Variants in IGF1R observed in about 807,000 individuals in gnomAD.
IGF1R encodes the protein insulin-like growth factor 1 receptor.
A neutral mutation model predicts 144.6 loss-of-function variants in IGF1R; 44 were observed. The observed-to-expected ratio is 0.30, with a 90% CI of 0.24 to 0.39. The LOEUF (loss-of-function observed/expected upper bound fraction) is 0.39, where lower values mean the gene tolerates loss of function less well. IGF1R is among the 10% of genes least tolerant of loss of function. The pLI is 1.00. For synonymous variants in IGF1R, 795 were observed against 722.8 expected (o/e 1.10, Z -1.60); for missense variants, 1,355 against 1,833.7 (o/e 0.74, Z 4.77).
intron 18 of IGF1R, among the ~76,000 whole-genome samples, chr15:98,941,998 G>A (rs2016382650): frequency 6.6e-6 from 1 of 152,154 alleles, no homozygotes; most frequent in African/African-American, 2.4e-5. Flanking sequence ...CTGGAGACAT[G>A]GAAAATGGAA....
At chr15:98,856,519 T>C (rs1036899197) in intron 2 of IGF1R, among the ~76,000 whole-genome samples, 1 of 152,252 alleles carries the variant, frequency 6.6e-6, no homozygotes, top group Non-Finnish European at 1.5e-5. Flanking sequence ...TATTTTACTG[T>C]GACATAGATG....
At position 98,916,808 on chromosome 15, in the gene IGF1R, C is replaced by T. The variant is rs1291136048; in HGVS notation, c.2133C>T (p.Ala711=). 4.3e-6 allele frequency: 7 copies of T among 1,613,996 alleles called. No individual in the cohort carries two copies. In the South Asian group the frequency reaches 6.6e-5, roughly 15 times the overall value. The stretch of plus-strand genomic sequence containing the variant: ...CCAAAACTGAAGCCGAGAAGCAGGC[C>T]GAGAAGGAGGAGGCTGAATACCGCA... ...ACPKTEAEKQ[A]EKEEAEYRKV... Residue 711 remains alanine, a synonymous_variant, in exon 10 of 21, where the codon GCC becomes GCT. Coordinates refer to ENST00000650285, the MANE Select transcript of IGF1R (RefSeq NM_000875.5).
intron 9 of IGF1R, 43 bp from the exon 10 acceptor site, chr15:98,916,629 G>A (rs900615073): frequency 2.6e-6 from 4 of 1,529,546 alleles, no homozygotes; most frequent in African/African-American, 2.7e-5. Context: ...ATGTATAACG[G>A]CTTTCATTCC....
At chr15:98,797,499 T>C (rs2056272250) in intron 2 of IGF1R, among the ~76,000 whole-genome samples, 1 of 152,244 alleles carries the variant, frequency 6.6e-6, no homozygotes, top group East Asian at 1.9e-4. Flanking sequence ...GTCTAGGTTC[T>C]GAGTGCTTCT....
intron 2 of IGF1R, among the ~76,000 whole-genome samples, chr15:98,795,534 C>T (rs540408921): frequency 6.6e-6 from 1 of 152,274 alleles, no homozygotes; most frequent in East Asian, 1.9e-4. Flanking sequence ...CCTGCCTCAG[C>T]CTCCCGAGCA....
intron 2 of IGF1R, among the ~76,000 whole-genome samples, chr15:98,880,134 C>A (rs1219263688): frequency 6.6e-6 from 1 of 152,136 alleles, no homozygotes; most frequent in East Asian, 1.9e-4. Flanking sequence ...TGAATTAGAT[C>A]TCAATAAAGC....
At chr15:98,783,958 ATTTTTTTTTTTTTTTTTTTTT>A (rs71149420) in intron 2 of IGF1R, among the ~76,000 whole-genome samples, 4 of 54,742 alleles carry the variant, frequency 7.3e-5, no homozygotes, top group African/African-American at 1.6e-4. Context: ...GGCATCTGAA[ATTTTTTTTTTTTTTTTTTTTT>A]TTTTTTTTTT....
At chr15:98,676,135 ACT>A (rs1243936670) in intron 1 of IGF1R, among the ~76,000 whole-genome samples, 2 of 145,378 alleles carry the variant, frequency 1.4e-5, no homozygotes, top group African/African-American at 2.6e-5. Context: ...CAGCCTAGAG[ACT>A]CTATTTTATT....
chr15:98,708,912 T>G (rs2053929505), intron 2 of IGF1R, among the ~76,000 whole-genome samples: 1 of 152,260 alleles, frequency 6.6e-6, no homozygotes, highest in African/African-American at 2.4e-5. Context: ...AAGCTTCTTG[T>G]ATATTTATCT....
At chr15:98,834,418 C>T (rs965268542) in intron 2 of IGF1R, among the ~76,000 whole-genome samples, 1 of 152,202 alleles carries the variant, frequency 6.6e-6, no homozygotes, top group East Asian at 1.9e-4. Context: ...CAGAGCTTTC[C>T]GTCACGTGAG....
At chr15:98,720,901 G>A (rs1330952862) in intron 2 of IGF1R, among the ~76,000 whole-genome samples, 1 of 152,184 alleles carries the variant, frequency 6.6e-6, no homozygotes, top group African/African-American at 2.4e-5. Context: ...AGCCAAGCAG[G>A]AGTTTCCTTG....
intron 15 of IGF1R, among the ~76,000 whole-genome samples, chr15:98,933,901 TG>T (rs2016039496): frequency 6.6e-6 from 1 of 152,226 alleles, no homozygotes; most frequent in African/African-American, 2.4e-5. Context: ...AAGCCAAGGC[TG>T]GGGGACACTT....
intron 13 of IGF1R, among the ~76,000 whole-genome samples, chr15:98,927,662 T>C (rs1395118032): frequency 6.6e-6 from 1 of 152,326 alleles, no homozygotes; most frequent in East Asian, 1.9e-4. Flanking sequence ...TGAGTGTTTT[T>C]AGGAATTGCA....
At chr15:98,888,739 C>T (rs757621078) in intron 2 of IGF1R, among the ~76,000 whole-genome samples, 5 of 152,126 alleles carry the variant, frequency 3.3e-5, no homozygotes, top group Non-Finnish European at 5.9e-5. Flanking sequence ...GCTCTGAAGA[C>T]ATGTCTCAGT....
intron 2 of IGF1R, among the ~76,000 whole-genome samples, chr15:98,864,845 C>A (rs769587658): frequency 5.9e-5 from 9 of 152,232 alleles, no homozygotes; most frequent in Non-Finnish European, 1.2e-4. Context: ...TTGATGAAAC[C>A]GAATGGCTAA....
intron 8 of IGF1R, among the ~76,000 whole-genome samples, chr15:98,914,465 C>T (rs2015154956): frequency 6.6e-6 from 1 of 152,190 alleles, no homozygotes; most frequent in South Asian, 2.1e-4. Flanking sequence ...TCCACTCCTA[C>T]CCCATCTCCA....
chr15:98,821,205 C>T (rs776220154), intron 2 of IGF1R, among the ~76,000 whole-genome samples: 3 of 152,042 alleles, frequency 2.0e-5, no homozygotes, highest in African/African-American at 2.4e-5. Flanking sequence ...CGCTACATTG[C>T]GCTAAATGGC....
At chr15:98,684,346 G>A (rs1383290979) in intron 1 of IGF1R, among the ~76,000 whole-genome samples, 1 of 144,584 alleles carries the variant, frequency 6.9e-6, no homozygotes, top group African/African-American at 2.6e-5. Context: ...TACTCTGGTT[G>A]TGTCTTACAA....
intron 2 of IGF1R, among the ~76,000 whole-genome samples, chr15:98,762,219 T>A (rs879927909): frequency 0.061 from 8,367 of 137,630 alleles, 282 homozygotes; most frequent in East Asian, 0.13. Context: ...ATCATTTGAT[T>A]TTTCTTTTCT....
Sources: gnomAD v4.1 joint callset for allele counts (sites outside exome capture counted in the v4.1 genomes callset) on GRCh38, gnomAD v4.1.1 for gene constraint, MANE v1.5 for transcripts, NCBI Gene and HGNC (gene_info 2026-07-23, HGNC 2026-07-21) for gene names.